Variants in DNAH7 observed in about 807,000 individuals in gnomAD.
The protein encoded by DNAH7 is dynein axonemal heavy chain 7.
A neutral mutation model predicts 444.6 loss-of-function variants in DNAH7; 397 were observed. The observed-to-expected ratio is 0.89, with a 90% CI of 0.82 to 0.97. The LOEUF (loss-of-function observed/expected upper bound fraction) is 0.97, where lower values mean the gene tolerates loss of function less well. Among genes scored for constraint, DNAH7 ranks in the 50% least tolerant of loss-of-function variants. The pLI is 0.00. For synonymous variants in DNAH7, 1,636 were observed against 1,624.4 expected, an observed-to-expected ratio of 1.01 and a Z score of -0.17; for missense variants, 4,902 against 4,800.8, an observed-to-expected ratio of 1.02 and a Z score of -0.62.
chr2:195,879,870 A>G (rs1355063381), intron 36 of DNAH7, among the ~76,000 whole-genome samples: 1 of 152,174 alleles, frequency 6.6e-6, no homozygotes, highest in Admixed American at 6.5e-5. Context: ...TTCTCAACTA[A>G]GTAAATTGTA....
In DNAH7 at chr2:196,018,939, T is replaced by C. The variant is rs569404168; in HGVS notation, c.869+231A>G. On this transcript the variant is annotated intron_variant, in intron 9 of 64. Transcript: ENST00000312428. Reference sequence around the variant, plus strand: ...AAATATCTCATGTACCCCATAAATATATGCATCTACTATGTACTCAAAAAA... The same window carrying C: ...AAATATCTCATGTACCCCATAAATACATGCATCTACTATGTACTCAAAAAA... Among the ~76,000 whole-genome samples, 14 of 152,256 alleles carry C rather than the reference T, an allele frequency of 9.2e-5. No homozygotes were observed. The South Asian group carries it at 2.3e-3, about 25-fold the overall frequency.
At chr2:195,884,089 A>T (rs1701573415) in intron 35 of DNAH7, among the ~76,000 whole-genome samples, 1 of 152,212 alleles carries the variant, frequency 6.6e-6, no homozygotes, top group Non-Finnish European at 1.5e-5. Context: ...TATATTCCTA[A>T]ACTTGGTCCT....
intron 58 of DNAH7, among the ~76,000 whole-genome samples, chr2:195,781,659 T>C (rs1208475235): frequency 1.7e-5 from 2 of 120,836 alleles, no homozygotes; most frequent in African/African-American, 3.3e-5. Flanking sequence ...CGTTTTAACC[T>C]TAACTAGCAA....
At chr2:195,821,575 A>G (rs992871211) in intron 49 of DNAH7, among the ~76,000 whole-genome samples, 6 of 152,348 alleles carry the variant, frequency 3.9e-5, no homozygotes, top group African/African-American at 1.4e-4. Flanking sequence ...CAGGGCTCAT[A>G]TATCACAGGA....
rs1700030094 is a variant in DNAH7, at chr2:195,861,762, A to T, written c.7691T>A (p.Leu2564His). The part of the protein sequence containing the change: ...RYNYVTPTSY[L>H]ELISTFKLLL... ...CAGTTTGAAGGTGGAGATTAATTCG[A>T]GGTAAGAGGTAGGAGTCACATAATT... is the stretch of plus-strand genomic sequence containing the variant. The change falls in exon 42 of 65, where the codon CTC becomes CAC. Residue 2564 changes from leucine to histidine, a missense_variant. Transcript: ENST00000312428. The T allele has an allele frequency of 6.2e-7, 1 of 1,613,302 alleles. No homozygotes were observed. Among genetic ancestry groups the T allele is most frequent in the Middle Eastern group, 1.6e-4 (1 of 6,082 alleles).
intron 5 of DNAH7, among the ~76,000 whole-genome samples, chr2:196,038,618 C>T (rs1173238502): frequency 6.6e-6 from 1 of 152,084 alleles, no homozygotes; most frequent in Non-Finnish European, 1.5e-5. Context: ...TAAAGGTACA[C>T]CTACAGACTA....
chr2:195,820,335 A>G (rs1697401373), intron 49 of DNAH7, among the ~76,000 whole-genome samples: 1 of 151,834 alleles, frequency 6.6e-6, no homozygotes, highest in African/African-American at 2.4e-5. Flanking sequence ...TAGGACAAAT[A>G]CCTAATGCAT....
At chr2:195,846,949 A>ATGTGTGTGTGTG (rs35075325) in intron 46 of DNAH7, among the ~76,000 whole-genome samples, 10,422 of 137,004 alleles carry the variant, frequency 0.076, 568 homozygotes, top group African/African-American at 0.15. Context: ...ACTCCCATAT[A>ATGTGTGTGTGTG]TGTGTGTGTG....
chr2:195,933,213 A>G (rs540109490), intron 21 of DNAH7, among the ~76,000 whole-genome samples: 4 of 152,198 alleles, frequency 2.6e-5, no homozygotes, highest in African/African-American at 7.2e-5. Context: ...ACCATCTCAC[A>G]CCAGTTAGAA....
At chr2:195,840,261 G>A (rs1030226066) in intron 47 of DNAH7, among the ~76,000 whole-genome samples, 4 of 151,558 alleles carry the variant, frequency 2.6e-5, no homozygotes, top group Non-Finnish European at 4.4e-5. Flanking sequence ...AAAACTGTAG[G>A]ATCAACTCAA....
chr2:195,936,101 C>T (rs772376644), intron 20 of DNAH7, among the ~76,000 whole-genome samples: 8 of 152,052 alleles, frequency 5.3e-5, no homozygotes, highest in Non-Finnish European at 7.4e-5. Flanking sequence ...TGGCCAGGCA[C>T]GGTGGCTCAC....
intron 1 of DNAH7, among the ~76,000 whole-genome samples, chr2:196,067,963 G>A (rs1444062916): frequency 6.6e-6 from 1 of 152,086 alleles, no homozygotes; most frequent in Non-Finnish European, 1.5e-5. Flanking sequence ...TAAGACGACT[G>A]ACCATTGTTC....
At chr2:195,843,873 C>T (rs754284474) in intron 47 of DNAH7, among the ~76,000 whole-genome samples, 19 of 151,882 alleles carry the variant, frequency 1.3e-4, no homozygotes, top group Admixed American at 2.6e-4. Flanking sequence ...GAGGCGGGCA[C>T]ATCACAAGGT....
rs755152394 is a variant in DNAH7, at chr2:196,026,794, T to C, written c.633A>G (p.Arg211=). The change falls in exon 7 of 65, where the codon AGA becomes AGG. Residue 211 remains arginine, a synonymous_variant. Transcript: ENST00000312428. ...TCCTTACACTAAGAAGATAATCCTC[T>C]CTCATTTCATCAGATAATGTAACTA... The part of the protein sequence containing the change: ...DSIVTLSDEM[R]EDYLLSVRKS... 1 of 1,612,226 alleles carries C rather than the reference T, an allele frequency of 6.2e-7. No individual in the cohort carries two copies.
intron 19 of DNAH7, among the ~76,000 whole-genome samples, chr2:195,948,550 C>T (rs550206540): frequency 2.0e-5 from 3 of 152,160 alleles, no homozygotes; most frequent in African/African-American, 7.2e-5. Context: ...AAATAGGGAA[C>T]GCCTTCCTCA....
At chr2:195,974,642 T>C (rs1559292457) in intron 15 of DNAH7, among the ~76,000 whole-genome samples, 1 of 152,104 alleles carries the variant, frequency 6.6e-6, no homozygotes, top group Non-Finnish European at 1.5e-5. Context: ...ATTTACAGTT[T>C]AACTCTCCAA....
At chr2:196,046,470 A>G (rs1027866383) in intron 5 of DNAH7, among the ~76,000 whole-genome samples, 1 of 152,124 alleles carries the variant, frequency 6.6e-6, no homozygotes, top group Non-Finnish European at 1.5e-5. Context: ...CCAGAGGTCT[A>G]CCCTCCATTG....
Position 195,971,202 on chromosome 2 carries a change from T to C in DNAH7, c.2058+1040A>G, listed in dbSNP as rs144447302. Among the ~76,000 whole-genome samples the C allele has an allele frequency of 2.6e-5, 4 of 152,350 alleles. No individual in the cohort carries two copies. The East Asian group carries it at 7.7e-4, about 29-fold the overall frequency. On this transcript the variant is annotated intron_variant, in intron 16 of 64. Coordinates refer to ENST00000312428, the MANE Select transcript of DNAH7 (RefSeq NM_018897.3). The stretch of plus-strand genomic sequence containing the variant: ...GTAATAGAAAGAAAGCATGGCTTGC[T>C]ATTAAAGGACATCTGTACTGGCTGA...
intron 5 of DNAH7, among the ~76,000 whole-genome samples, chr2:196,037,213 AC>A (rs1478719376): frequency 2.0e-5 from 3 of 152,156 alleles, no homozygotes; most frequent in Non-Finnish European, 1.5e-5. Context: ...AAAGCACCCT[AC>A]CCAGTTAACA....
Sources: allele counts gnomAD v4.1 joint callset (sites outside exome capture counted in the v4.1 genomes callset), GRCh38; gene constraint gnomAD v4.1.1; transcripts MANE v1.5; gene names NCBI Gene and HGNC (gene_info 2026-07-23, HGNC 2026-07-21).